Variants in ARFGEF1 observed in about 807,000 individuals in gnomAD.
ARFGEF1 encodes the protein ARF guanine nucleotide exchange factor 1.
Under a neutral mutation model 231.0 loss-of-function variants are expected in ARFGEF1, and 42 were observed. The observed-to-expected ratio is 0.18, with a 90% CI of 0.14 to 0.24. The LOEUF (loss-of-function observed/expected upper bound fraction) is 0.24. Ranked by LOEUF, ARFGEF1 falls within the 10% of genes least tolerant of loss-of-function variation. The probability of loss-of-function intolerance (pLI) is 1.00; values close to 1 mark genes in which losing one functional copy is unlikely to be tolerated. For missense variants in ARFGEF1, 1,345 were observed against 2,192.0 expected (o/e 0.61, Z 7.72); for synonymous variants, 710 against 732.3 (o/e 0.97, Z 0.49).
intron 1 of ARFGEF1, among the ~76,000 whole-genome samples, chr8:67,311,461 G>A (rs1473261191): frequency 1.0e-4 from 15 of 143,702 alleles, no homozygotes; most frequent in Non-Finnish European, 1.7e-4. Context: ...CAGGGAGGGA[G>A]GTGGGGGGGT....
intron 7 of ARFGEF1, among the ~76,000 whole-genome samples, chr8:67,278,975 AT>A (rs1439034666): frequency 1.3e-5 from 2 of 152,148 alleles, no homozygotes; most frequent in African/African-American, 4.8e-5. Flanking sequence ...TATGTAGAAA[AT>A]GCATAGGCCA....
intron 1 of ARFGEF1, among the ~76,000 whole-genome samples, chr8:67,336,946 C>A (rs1469499224): frequency 4.0e-5 from 6 of 151,612 alleles, no homozygotes; most frequent in Non-Finnish European, 7.4e-5. Flanking sequence ...CTGGCTAACA[C>A]GGTGAAACCC....
At chr8:67,211,994 A>C (rs1170272420) in intron 33 of ARFGEF1, among the ~76,000 whole-genome samples, 3 of 152,210 alleles carry the variant, frequency 2.0e-5, no homozygotes, top group Non-Finnish European at 4.4e-5. Flanking sequence ...GTCAATGTGA[A>C]GGTGACTATC....
downstream of ARFGEF1, among the ~76,000 whole-genome samples, chr8:67,193,121 GTTTT>G (rs1452257321): frequency 6.6e-6 from 1 of 151,978 alleles, no homozygotes; most frequent in Non-Finnish European, 1.5e-5. Context: ...TGATTTGCTG[GTTTT>G]TTTCTTTTTT....
intron 34 of ARFGEF1, among the ~76,000 whole-genome samples, chr8:67,206,741 A>C (rs1838536327): frequency 6.6e-6 from 1 of 152,222 alleles, no homozygotes; most frequent in Non-Finnish European, 1.5e-5. Context: ...CCTCCATCTC[A>C]GATTCTCAGG....
At chr8:67,327,669 A>G (rs542683755) in intron 1 of ARFGEF1, among the ~76,000 whole-genome samples, 1 of 152,324 alleles carries the variant, frequency 6.6e-6, no homozygotes, top group South Asian at 2.1e-4. Flanking sequence ...TAGTTCTACC[A>G]CAAGACAGTA....
chr8:67,271,384 G>A (rs1805092984), intron 10 of ARFGEF1, among the ~76,000 whole-genome samples: 3 of 152,110 alleles, frequency 2.0e-5, no homozygotes, highest in East Asian at 3.9e-4. Context: ...AAATGTATTC[G>A]AATATACCAC....
At chr8:67,187,701 G>C (rs1835061226) in intron 5 of ARFGEF1, among the ~76,000 whole-genome samples, 1 of 152,038 alleles carries the variant, frequency 6.6e-6, no homozygotes. Context: ...GAAAGAAATA[G>C]ACTCACGCAA....
intron 1 of ARFGEF1, among the ~76,000 whole-genome samples, chr8:67,329,430 G>A (rs1807993413): frequency 6.6e-6 from 1 of 151,714 alleles, no homozygotes; most frequent in Non-Finnish European, 1.5e-5. Flanking sequence ...TCGGGAGGCT[G>A]AGGCAGGAGA....
At chr8:67,295,499 A>G (rs1053224940) in intron 5 of ARFGEF1, among the ~76,000 whole-genome samples, 9 of 152,204 alleles carry the variant, frequency 5.9e-5, no homozygotes, top group Admixed American at 5.9e-4. Flanking sequence ...GCACAACCTC[A>G]TTCTAATCAC....
chr8:67,196,224 ACTT>A (rs1270093088), downstream of ARFGEF1: 3 of 152,202 alleles, frequency 2.0e-5, no homozygotes, highest in Admixed American at 1.3e-4. Context: ...TGATGTAACT[ACTT>A]CTTGATATAA....
chr8:67,215,291 G>A lies in ARFGEF1; in HGVS notation c.4686+1299C>T, dbSNP rs535759239. On this transcript the variant is annotated intron_variant, in intron 33 of 38. Transcript: ENST00000262215. ...GGACATAGTGTTGATGCTGTAATGA[G>A]TTTAGACTTTTGGGGACCTTAGAAT... Among the ~76,000 whole-genome samples, 9 of 152,202 alleles carry A rather than the reference G, an allele frequency of 5.9e-5. No individual in the cohort carries two copies. In the East Asian group the frequency reaches 1.7e-3, roughly 29 times the overall value.
intron 5 of ARFGEF1, among the ~76,000 whole-genome samples, chr8:67,190,040 T>G (rs1859267926): frequency 6.6e-6 from 1 of 152,020 alleles, no homozygotes; most frequent in Admixed American, 6.6e-5. Context: ...AAATGCAGAG[T>G]AGAGTTAACC....
chr8:67,186,754 G>A (rs1834715029), intron 5 of ARFGEF1, among the ~76,000 whole-genome samples: 1 of 152,124 alleles, frequency 6.6e-6, no homozygotes, highest in Non-Finnish European at 1.5e-5. Flanking sequence ...CAGATGACAT[G>A]ATTGTCTATA....
At chr8:67,267,926 T>C (rs1261688219) in intron 10 of ARFGEF1, among the ~76,000 whole-genome samples, 1 of 152,206 alleles carries the variant, frequency 6.6e-6, no homozygotes, top group Non-Finnish European at 1.5e-5. Flanking sequence ...GGTTTTATTT[T>C]TCTAATTACT....
chr8:67,332,733 C>T (rs777628922), intron 1 of ARFGEF1, among the ~76,000 whole-genome samples: 2 of 152,090 alleles, frequency 1.3e-5, no homozygotes, highest in African/African-American at 2.4e-5. Context: ...TACTTACAAA[C>T]ATGTAGTACT....
chr8:67,225,541 T>C (rs1236507558), intron 28 of ARFGEF1, among the ~76,000 whole-genome samples: 1 of 152,206 alleles, frequency 6.6e-6, no homozygotes, highest in Admixed American at 6.6e-5. Flanking sequence ...ATATGGCAGC[T>C]AGATTTTCAA....
intron 5 of ARFGEF1, among the ~76,000 whole-genome samples, chr8:67,182,069 A>C (rs1467784542): frequency 6.6e-6 from 1 of 152,040 alleles, no homozygotes; most frequent in Non-Finnish European, 1.5e-5. Flanking sequence ...TGGTGTGATC[A>C]TGGCTCACTG....
downstream of ARFGEF1, chr8:67,173,603 A>T (rs1235368126): frequency 6.6e-6 from 1 of 152,068 alleles, no homozygotes; most frequent in Non-Finnish European, 1.5e-5. Flanking sequence ...AACTACCTAT[A>T]TGTAAGTACC....
Sources: gnomAD v4.1 joint callset for allele counts (sites outside exome capture counted in the v4.1 genomes callset) on GRCh38, gnomAD v4.1.1 for gene constraint, MANE v1.5 for transcripts, NCBI Gene and HGNC (gene_info 2026-07-23, HGNC 2026-07-21) for gene names.